The following FRMD3 variants were observed in gnomAD, a reference collection of about 807,000 sequenced individuals.
FRMD3 encodes the protein FERM domain-containing protein 3.
A neutral mutation model predicts 70.2 loss-of-function variants in FRMD3; 33 were observed. The ratio of observed to expected loss-of-function variants is 0.47; its 90% CI spans 0.36 to 0.63. The LOEUF (loss-of-function observed/expected upper bound fraction) is 0.63. Among genes scored for constraint, FRMD3 ranks in the 20% least tolerant of loss-of-function variants. The pLI is 0.00. For synonymous variants in FRMD3, 279 were observed against 255.9 expected (o/e 1.09, Z -0.86); for missense variants, 632 against 711.4 (o/e 0.89, Z 1.27).
At chr9:83,392,527 C>A (rs547709741) in intron 1 of FRMD3, among the ~76,000 whole-genome samples, 2 of 152,212 alleles carry the variant, frequency 1.3e-5, no homozygotes, top group East Asian at 3.9e-4. Flanking sequence ...GTGGTTATGA[C>A]CTGAACCTTC....
At chr9:83,295,189 A>C (rs1834610338) in intron 12 of FRMD3, among the ~76,000 whole-genome samples, 1 of 152,220 alleles carries the variant, frequency 6.6e-6, no homozygotes, top group East Asian at 1.9e-4. Flanking sequence ...TGTGGTTTGA[A>C]TATATTTATC....
chr9:83,464,083 A>C (rs4877777), intron 1 of FRMD3, among the ~76,000 whole-genome samples: 58,187 of 152,078 alleles, frequency 0.38, 11,658 homozygotes, highest in Middle Eastern at 0.49. Flanking sequence ...ATCATTATTC[A>C]CTGGCAACAA....
At chr9:83,244,321 C>G (rs1364759139), downstream of FRMD3, among the ~76,000 whole-genome samples, 1 of 98,112 alleles carries the variant, frequency 1.0e-5, no homozygotes, top group Non-Finnish European at 2.5e-5. Flanking sequence ...ATCTGTCAGT[C>G]AGAATACCCC....
intron 1 of FRMD3, among the ~76,000 whole-genome samples, chr9:83,430,446 C>T (rs1253390588): frequency 6.6e-6 from 1 of 152,174 alleles, no homozygotes; most frequent in Admixed American, 6.5e-5. Flanking sequence ...TGGGTTTAGA[C>T]ACGTGCAGAT....
chr9:83,523,474 A>T (rs1401988273), intron 1 of FRMD3, among the ~76,000 whole-genome samples: 3 of 152,230 alleles, frequency 2.0e-5, no homozygotes, highest in African/African-American at 7.2e-5. Flanking sequence ...CAACTGCTCA[A>T]TACACTAAGA....
the FRMD3 span, among the ~76,000 whole-genome samples, chr9:83,571,197 T>C: frequency 1.3e-5 from 2 of 152,150 alleles, no homozygotes; most frequent in African/African-American, 4.8e-5. Context: ...TGGTTTCTCT[T>C]GCTTCCCCTC....
chr9:83,423,827 C>A (rs1826721310), intron 1 of FRMD3, among the ~76,000 whole-genome samples: 1 of 151,956 alleles, frequency 6.6e-6, no homozygotes, highest in African/African-American at 2.4e-5. Context: ...AACTCCTGAC[C>A]TCAGGTGATC....
chr9:83,467,712 C>A, intron 1 of FRMD3: 1 of 1,533,570 alleles, frequency 6.5e-7, no homozygotes, highest in Non-Finnish European at 8.7e-7. Context: ...ATACTGCCAT[C>A]TCGTCTTCTG....
rs376725087 is a variant in FRMD3, at chr9:83,435,858, A to G, written c.148-46150T>C. On this transcript the variant is annotated intron_variant, in intron 1 of 13. Transcript: ENST00000304195. ...ACCAAGAATATACCTTTTTCTATCAACCCTCTGCCCTAGTGACTTTAACAT... is the reference window on the plus strand; with the variant it reads ...ACCAAGAATATACCTTTTTCTATCAGCCCTCTGCCCTAGTGACTTTAACAT... Among the ~76,000 whole-genome samples, 5 of 152,108 alleles carry G rather than the reference A, an allele frequency of 3.3e-5. No individual in the cohort carries two copies. In the East Asian group the frequency reaches 9.6e-4, roughly 29 times the overall value.
chr9:83,255,252 TCA>T (rs1832648285), intron 13 of FRMD3, among the ~76,000 whole-genome samples: 1 of 152,126 alleles, frequency 6.6e-6, no homozygotes, highest in Non-Finnish European at 1.5e-5. Context: ...CTGTAATTCA[TCA>T]CATAAACAGA....
At chr9:83,448,215 T>C (rs1028608391) in intron 1 of FRMD3, among the ~76,000 whole-genome samples, 3 of 152,182 alleles carry the variant, frequency 2.0e-5, no homozygotes, top group African/African-American at 7.2e-5. Flanking sequence ...TAAGAAACAG[T>C]ATATTACCTA....
chr9:83,243,065 T>C (rs1185806814), downstream of FRMD3: 7 of 793,924 alleles, frequency 8.8e-6, no homozygotes, highest in African/African-American at 1.7e-5. Context: ...GGTTCCTTTC[T>C]TCTTCTGTGA....
chr9:83,371,289 C>G (rs1329310450), intron 3 of FRMD3, among the ~76,000 whole-genome samples: 2 of 151,452 alleles, frequency 1.3e-5, no homozygotes, highest in East Asian at 1.9e-4. Flanking sequence ...GCATATCATA[C>G]TATATAGCCT....
intron 6 of FRMD3, among the ~76,000 whole-genome samples, chr9:83,317,193 TAC>T (rs71823603): frequency 0.49 from 71,062 of 144,802 alleles, 17,549 homozygotes; most frequent in Non-Finnish European, 0.54. Context: ...CTCTCATGCA[TAC>T]ACACACACAC....
intron 1 of FRMD3, among the ~76,000 whole-genome samples, chr9:83,503,279 A>G (rs557399327): frequency 8.5e-4 from 129 of 152,348 alleles, no homozygotes; most frequent in African/African-American, 3.0e-3. Context: ...CCTTAAAAGC[A>G]GAGAGCTTTC....
chr9:83,565,581 A>T, the FRMD3 span, among the ~76,000 whole-genome samples: 1 of 152,144 alleles, frequency 6.6e-6, no homozygotes, highest in Non-Finnish European at 1.5e-5. Context: ...ACACATTTAC[A>T]CCTGCAAAGA....
At chr9:83,424,704 A>G (rs1161931392) in intron 1 of FRMD3, among the ~76,000 whole-genome samples, 2 of 152,258 alleles carry the variant, frequency 1.3e-5, no homozygotes, top group Admixed American at 6.5e-5. Context: ...CAGTTTCCAA[A>G]CAGAAATAAC....
intron 13 of FRMD3, among the ~76,000 whole-genome samples, chr9:83,250,036 C>G (rs752260979): frequency 1.3e-5 from 2 of 152,170 alleles, no homozygotes; most frequent in Non-Finnish European, 2.9e-5. Context: ...CTGCAGCACT[C>G]ATGGAGATGA....
intron 12 of FRMD3, among the ~76,000 whole-genome samples, chr9:83,297,015 C>A (rs1834696272): frequency 1.3e-5 from 2 of 152,236 alleles, no homozygotes; most frequent in Admixed American, 1.3e-4. Flanking sequence ...ATTTGAGAAA[C>A]CCTGAGCTAG....
Sources: gnomAD v4.1 joint callset for allele counts (sites outside exome capture counted in the v4.1 genomes callset) on GRCh38, gnomAD v4.1.1 for gene constraint, MANE v1.5 for transcripts, NCBI Gene and HGNC (gene_info 2026-07-23, HGNC 2026-07-21) for gene names.